PTPRN2: variants seen among roughly 807,000 people sequenced by gnomAD.
PTPRN2 encodes receptor-type tyrosine-protein phosphatase N2.
A neutral mutation model predicts 118.8 loss-of-function variants in PTPRN2; 74 were observed. The ratio of observed to expected loss-of-function variants is 0.62; its 90% CI spans 0.52 to 0.76. PTPRN2 has a LOEUF of 0.76. PTPRN2 is among the 30% of genes least tolerant of loss of function. The pLI, the probability that PTPRN2 is intolerant of heterozygous loss-of-function variation, is 0.00. For missense variants in PTPRN2, 1,481 were observed against 1,394.4 expected, an observed-to-expected ratio of 1.06 and a Z score of -0.99; for synonymous variants, 641 against 608.0, an observed-to-expected ratio of 1.05 and a Z score of -0.80.
At position 157,589,686 on chromosome 7, in the gene PTPRN2, C is replaced by T. The variant is rs536100062; in HGVS notation, c.2496+5552G>A. On this transcript the variant is annotated intron_variant, in intron 17 of 22. Coordinates refer to ENST00000389418, the MANE Select transcript of PTPRN2 (RefSeq NM_002847.5). The stretch of plus-strand genomic sequence containing the variant: ...TGAACAAAACAGTAAAACCTCACAG[C>T]CAAACTCGTGTTCCTAATTTAAAAT... 2.0e-5 allele frequency among the ~76,000 whole-genome samples: 3 copies of T among 152,318 alleles called. No individual in the cohort carries two copies. In the East Asian group the frequency reaches 5.8e-4, roughly 29 times the overall value.
At chr7:158,324,741 G>C (rs1803345996) in intron 2 of PTPRN2, among the ~76,000 whole-genome samples, 1 of 152,016 alleles carries the variant, frequency 6.6e-6, no homozygotes, top group Non-Finnish European at 1.5e-5. Flanking sequence ...GTTGCTTGGA[G>C]ATACTGAGCC....
Position 158,104,163 on chromosome 7 carries a change from G to C in PTPRN2, c.1643+6666C>G, listed in dbSNP as rs146250399. ...GGCATGAGCCACCGTGCCTGGCCTAGAGACAGATTTAAGGCAATGGAGCAT... is the reference window on the plus strand; with the variant it reads ...GGCATGAGCCACCGTGCCTGGCCTACAGACAGATTTAAGGCAATGGAGCAT... On this transcript the variant is annotated intron_variant, in intron 10 of 22. Coordinates refer to ENST00000389418, the MANE Select transcript of PTPRN2 (RefSeq NM_002847.5). 8.1e-4 allele frequency among the ~76,000 whole-genome samples: 124 copies of C among 152,312 alleles called. No individual in the cohort carries two copies. In the South Asian group the frequency reaches 0.011, roughly 14 times the overall value.
At chr7:158,041,139 C>T (rs1402159205) in intron 11 of PTPRN2, among the ~76,000 whole-genome samples, 1 of 152,174 alleles carries the variant, frequency 6.6e-6, no homozygotes, top group Non-Finnish European at 1.5e-5. Context: ...GGAAAGCATT[C>T]CAGGCACCAC....
chr7:158,197,621 G>C (rs1249508722), intron 4 of PTPRN2, among the ~76,000 whole-genome samples: 2 of 152,190 alleles, frequency 1.3e-5, no homozygotes, highest in Admixed American at 1.3e-4. Flanking sequence ...AATTTATAAA[G>C]GAGAGGTTTA....
At chr7:158,146,768 C>A (rs1443523893) in intron 6 of PTPRN2, among the ~76,000 whole-genome samples, 2 of 149,918 alleles carry the variant, frequency 1.3e-5, no homozygotes, top group Non-Finnish European at 1.5e-5. Context: ...AAATTAAAAG[C>A]TTCATTTTCT....
At chr7:157,820,650 A>T (rs1304906734) in intron 12 of PTPRN2, among the ~76,000 whole-genome samples, 1 of 152,030 alleles carries the variant, frequency 6.6e-6, no homozygotes, top group Non-Finnish European at 1.5e-5. Flanking sequence ...GCACACACAC[A>T]TGCACACACA....
At chr7:158,030,501 G>C (rs1807608418) in intron 11 of PTPRN2, 1 of 152,288 alleles carries the variant, frequency 6.6e-6, no homozygotes, top group African/African-American at 2.4e-5. Flanking sequence ...CTCCGAAGAG[G>C]GAAGCCAGTT....
intron 11 of PTPRN2, among the ~76,000 whole-genome samples, chr7:158,049,087 G>T (rs117907713): frequency 2.2e-3 from 1 of 456 alleles, no homozygotes; most frequent in Non-Finnish European, 4.3e-3. Context: ...ACCATCATCA[G>T]CATCACTATC....
At chr7:157,675,520 G>A (rs975250443) in intron 13 of PTPRN2, among the ~76,000 whole-genome samples, 1 of 126,340 alleles carries the variant, frequency 7.9e-6, no homozygotes, top group African/African-American at 2.9e-5. Flanking sequence ...TTCTCTGGAA[G>A]TGCATGCTTT....
At chr7:158,039,106 T>A (rs1272236140) in intron 11 of PTPRN2, among the ~76,000 whole-genome samples, 1 of 152,222 alleles carries the variant, frequency 6.6e-6, no homozygotes, top group Non-Finnish European at 1.5e-5. Flanking sequence ...TATCCTGCAG[T>A]AGAGGAAGAA....
At chr7:157,593,973 C>T (rs1211547491) in intron 17 of PTPRN2, among the ~76,000 whole-genome samples, 2 of 152,212 alleles carry the variant, frequency 1.3e-5, no homozygotes, top group Admixed American at 1.3e-4. Flanking sequence ...CACAGGCAGA[C>T]ACAAAGGGCA....
intron 11 of PTPRN2, among the ~76,000 whole-genome samples, chr7:158,021,179 C>T (rs1221532041): frequency 1.3e-5 from 2 of 152,162 alleles, no homozygotes; most frequent in African/African-American, 4.8e-5. Flanking sequence ...TGAATTTCCT[C>T]CAATTTGTTG....
intron 12 of PTPRN2, among the ~76,000 whole-genome samples, chr7:157,692,810 C>A (rs1184682228): frequency 6.6e-6 from 1 of 152,088 alleles, no homozygotes; most frequent in Admixed American, 6.5e-5. Context: ...CTCGTCCCCC[C>A]TGCCCAGGGC....
rs560909821 is a variant in PTPRN2, at chr7:158,115,210, C to T, written c.1557-4295G>A. Among the ~76,000 whole-genome samples, 6 of 152,222 alleles carry T rather than the reference C, an allele frequency of 3.9e-5. No homozygotes were observed. The East Asian group carries it at 9.7e-4, about 25-fold the overall frequency. On this transcript the variant is annotated intron_variant, in intron 9 of 22. Coordinates refer to ENST00000389418, the MANE Select transcript of PTPRN2 (RefSeq NM_002847.5). Reference sequence around the variant, plus strand: ...ACAACAACAACAACAACAAAAGTTCCCTCCCCTGGATAAAGAACAGGTTGG... The same window carrying T: ...ACAACAACAACAACAACAAAAGTTCTCTCCCCTGGATAAAGAACAGGTTGG...
At chr7:158,264,662 G>A (rs2150940225) in intron 3 of PTPRN2, among the ~76,000 whole-genome samples, 1 of 152,262 alleles carries the variant, frequency 6.6e-6, no homozygotes, top group African/African-American at 2.4e-5. Flanking sequence ...TCCCTTGCGG[G>A]GACCAAAGGC....
intron 11 of PTPRN2, among the ~76,000 whole-genome samples, chr7:158,032,205 CA>C (rs1251274134): frequency 6.6e-6 from 1 of 152,192 alleles, no homozygotes; most frequent in Non-Finnish European, 1.5e-5. Flanking sequence ...TTCCCATTTT[CA>C]GCAATTATTG....
At chr7:158,527,081 C>T (rs752557594) in intron 1 of PTPRN2, among the ~76,000 whole-genome samples, 9 of 152,102 alleles carry the variant, frequency 5.9e-5, no homozygotes, top group Non-Finnish European at 1.2e-4. Context: ...GCAGAAACTG[C>T]ACAAGCCAAC....
chr7:158,360,076 A>T (rs13227803), intron 2 of PTPRN2, among the ~76,000 whole-genome samples: 1 of 68,640 alleles, frequency 1.5e-5, no homozygotes, highest in African/African-American at 6.2e-5. Context: ...CAGACCCCAC[A>T]TCCACCCTCA....
chr7:158,587,171 C>T (rs1414524526), intron 1 of PTPRN2, among the ~76,000 whole-genome samples: 18 of 128,344 alleles, frequency 1.4e-4, no homozygotes. Flanking sequence ...CTCACCGAGA[C>T]GCCCCTCCCC....
Sources: gnomAD v4.1 joint callset for allele counts (sites outside exome capture counted in the v4.1 genomes callset) on GRCh38, gnomAD v4.1.1 for gene constraint, MANE v1.5 for transcripts, NCBI Gene and HGNC (gene_info 2026-07-23, HGNC 2026-07-21) for gene names.